OR14K1: variants seen among roughly 807,000 people sequenced by gnomAD.
OR14K1 encodes the protein olfactory receptor family 14 subfamily K member 1, also known as olfactory receptor 14K1.
For synonymous variants in OR14K1, 104 were observed against 70.0 expected (o/e 1.49, Z -2.42); for missense variants, 253 against 174.4 (o/e 1.45, Z -2.54).
In OR14K1 at chr1:247,739,448, C is replaced by G; in HGVS notation, c.834C>G (p.Val278=). ...TGCTGGTGTCTGTGTTCTATTCTGTCGCACCTCCAACCTTGAACCCTGTTA... is the reference window on the plus strand; with the variant it reads ...TGCTGGTGTCTGTGTTCTATTCTGTGGCACCTCCAACCTTGAACCCTGTTA... ...LDLLVSVFYS[V]APPTLNPVIY... Residue 278 remains valine, a synonymous_variant, in exon 1 of 1, where the codon GTC becomes GTG. Transcript: ENST00000283225. 2.6e-6 allele frequency: 2 copies of G among 780,760 alleles called. 1 individual carries two copies. The highest frequency in any genetic ancestry group is 2.7e-5 in the South Asian group (2 of 74,614). The allele number at this position is 780,760 out of a possible 1,614,324, so 48.4% of individuals were successfully genotyped here.
chr1:247,738,854 C>T lies in OR14K1; in HGVS notation c.240C>T (p.Ile80=), dbSNP rs766296236. 1 of 780,770 alleles carries T rather than the reference C, an allele frequency of 1.3e-6. No individual in the cohort carries two copies. Among genetic ancestry groups the T allele is most frequent in the South Asian group, 1.3e-5 (1 of 74,594 alleles). The allele number at this position is 780,770 out of a possible 1,614,324, so 48.4% of individuals were successfully genotyped here. The change falls in exon 1 of 1, where the codon ATC becomes ATT. Residue 80 remains isoleucine (I), a synonymous_variant. Coordinates refer to ENST00000283225, the MANE Select transcript of OR14K1 (RefSeq NM_001004732.2). ...TTTCTGCCACAGTCCCCAAATCCAT[C>T]CTCAACTCTGTCGCCTCCACTGACT... The part of the protein sequence containing the change: ...CLISATVPKS[I]LNSVASTDSI...
Position 247,738,698 on chromosome 1 carries a change from C to T in OR14K1, c.84C>T (p.Leu28=). 1.3e-6 allele frequency: 1 copy of T among 780,814 alleles called. No homozygotes were observed. The allele number at this position is 780,814 out of a possible 1,614,324, so 48.4% of individuals were successfully genotyped here. Residue 28 remains leucine (L), a synonymous_variant, in exon 1 of 1, where the codon CTC becomes CTT. Coordinates refer to ENST00000283225, the MANE Select transcript of OR14K1 (RefSeq NM_001004732.2). Reference sequence around the variant, plus strand: ...TGCTCCTGAGGCTGCATGCTTTGCTCTTCTCACTGATCTACCTCACGGCTG... The same window carrying T: ...TGCTCCTGAGGCTGCATGCTTTGCTTTTCTCACTGATCTACCTCACGGCTG... The part of the protein sequence containing the change: ...NWVLLRLHAL[L]FSLIYLTAVL...
the OR14K1 span, chr1:247,738,670 G>A: frequency 1.3e-6 from 1 of 780,634 alleles, no homozygotes; most frequent in African/African-American, 1.7e-5. Context: ...ACTGAGAATT[G>A]GGTGCTCCTG....
chr1:247,739,005 G>T, the OR14K1 span: 58 of 780,550 alleles, frequency 7.4e-5, no homozygotes, highest in Non-Finnish European at 1.2e-4. Context: ...CCTACACTGT[G>T]AGGCTGTCAT....
rs1660750065 is a variant in OR14K1, at chr1:247,739,186, A to G, written c.572A>G (p.His191Arg). The G allele has an allele frequency of 2.6e-6, 2 of 780,806 alleles. No individual in the cohort carries two copies. The highest frequency in any genetic ancestry group is 3.4e-5 in the African/African-American group (2 of 59,148). The allele number at this position is 780,806 out of a possible 1,614,324, so 48.4% of individuals were successfully genotyped here. Residue 191 changes from histidine to arginine, a missense_variant, in exon 1 of 1, where the codon CAT becomes CGT. Physicochemically the swap from His to Arg is conservative, Grantham distance 29 (BLOSUM62 0). Transcript: ENST00000283225. ...CTAAAGCTCACTTGTTCTAAAGAAC[A>G]TGCCATCATTAGTGTCAGTGTGGCC... ...ALLKLTCSKE[H>R]AIISVSVAIG...
rs561245284 is a variant in OR14K1, at chr1:247,739,408, C to T, written c.794C>T (p.Pro265Leu). ...TATTTAAAGCCAGGGTCTGATGCACCTTCTATTCTAGACTTGCTGGTGTCT... is the reference window on the plus strand; with the variant it reads ...TATTTAAAGCCAGGGTCTGATGCACTTTCTATTCTAGACTTGCTGGTGTCT... ...VAYLKPGSDA[P>L]SILDLLVSVF... Residue 265 changes from proline (P) to leucine (L), a missense_variant, in exon 1 of 1, where the codon CCT becomes CTT. Pro to Leu is a moderately conservative substitution (Grantham distance 98). Coordinates refer to ENST00000283225, the MANE Select transcript of OR14K1 (RefSeq NM_001004732.2). 6.4e-6 allele frequency: 5 copies of T among 780,756 alleles called. No homozygotes were observed. Among genetic ancestry groups the T allele is most frequent in the South Asian group, 4.0e-5 (3 of 74,608 alleles). 48.4% of individuals were successfully genotyped at this position (780,756 alleles called of 1,614,324 possible).
Position 247,739,130 on chromosome 1 carries a change from A to T in OR14K1, c.516A>T (p.Leu172=). ...TGAATTTTTATGGCTCTGATGAGCT[A>T]CATCAGTTCTTCTGCGATGTCCCTG... The part of the protein sequence containing the change: ...FSLNFYGSDE[L]HQFFCDVPAL... The change falls in exon 1 of 1, where the codon CTA becomes CTT. Residue 172 remains leucine (L), a synonymous_variant. Coordinates refer to ENST00000283225, the MANE Select transcript of OR14K1 (RefSeq NM_001004732.2). 1 of 780,810 alleles carries T rather than the reference A, an allele frequency of 1.3e-6. No individual in the cohort carries two copies. Among genetic ancestry groups the T allele is most frequent in the Non-Finnish European group, 2.4e-6 (1 of 417,956 alleles). 48.4% of individuals were successfully genotyped at this position (780,810 alleles called of 1,614,324 possible).
chr1:247,739,514 TA>T, the OR14K1 span: 9 of 780,664 alleles, frequency 1.2e-5, no homozygotes, highest in African/African-American at 1.5e-4. Flanking sequence ...CCGCTCTGAG[TA>T]AAGTCCTGTG....
chr1:247,739,097 A>T lies in OR14K1; in HGVS notation c.483A>T (p.Thr161=). The T allele has an allele frequency of 1.3e-6, 1 of 780,768 alleles. No individual in the cohort carries two copies. The highest frequency in any genetic ancestry group is 1.3e-5 in the South Asian group (1 of 74,600). The allele number at this position is 780,768 out of a possible 1,614,324, so 48.4% of individuals were successfully genotyped here. The change falls in exon 1 of 1, where the codon ACA becomes ACT. Residue 161 remains threonine (T), a synonymous_variant. Coordinates refer to ENST00000283225, the MANE Select transcript of OR14K1 (RefSeq NM_001004732.2). ...GALGLLYTAG[T]FSLNFYGSDE... ...TGGGACTCTTGTACACAGCTGGAACATTCTCTCTGAATTTTTATGGCTCTG... is the reference window on the plus strand; with the variant it reads ...TGGGACTCTTGTACACAGCTGGAACTTTCTCTCTGAATTTTTATGGCTCTG...
At position 247,739,119 on chromosome 1, in the gene OR14K1, T is replaced by G; in HGVS notation, c.505T>G (p.Ser169Ala). 1.3e-6 allele frequency: 1 copy of G among 780,896 alleles called. No homozygotes were observed. The allele number at this position is 780,896 out of a possible 1,614,324, so 48.4% of individuals were successfully genotyped here. ...AGTFSLNFYG[S>A]DELHQFFCDV... ...AACATTCTCTCTGAATTTTTATGGC[T>G]CTGATGAGCTACATCAGTTCTTCTG... Residue 169 changes from serine to alanine, a missense_variant, in exon 1 of 1, where the codon TCT becomes GCT. Transcript: ENST00000283225.
In OR14K1 at chr1:247,738,984, A is replaced by G. The variant is rs760445560; in HGVS notation, c.370A>G (p.Ile124Val). 1.3e-6 allele frequency: 1 copy of G among 780,636 alleles called. No homozygotes were observed. The highest frequency in any genetic ancestry group is 2.4e-5 in the East Asian group (1 of 41,242). 48.4% of individuals were successfully genotyped at this position (780,636 alleles called of 1,614,324 possible). Residue 124 changes from isoleucine to valine, a missense_variant, in exon 1 of 1, where the codon ATC becomes GTC. Coordinates refer to ENST00000283225, the MANE Select transcript of OR14K1 (RefSeq NM_001004732.2). ...TAMSYDRYAA[I>V]CCPLHCEAVM... Reference sequence around the variant, plus strand: ...CATGTCCTATGACCGCTATGCTGCCATCTGCTGCCCCCTACACTGTGAGGC... The same window carrying G: ...CATGTCCTATGACCGCTATGCTGCCGTCTGCTGCCCCCTACACTGTGAGGC...
At position 247,739,185 on chromosome 1, in the gene OR14K1, C is replaced by A. The variant is rs1470494287; in HGVS notation, c.571C>A (p.His191Asn). The change falls in exon 1 of 1, where the codon CAT (histidine) becomes AAT (asparagine). Residue 191 changes from histidine to asparagine, a missense_variant. By Grantham distance (68) the His-to-Asn change is moderately conservative. Transcript: ENST00000283225. ...ACTAAAGCTCACTTGTTCTAAAGAACATGCCATCATTAGTGTCAGTGTGGC... is the reference window on the plus strand; with the variant it reads ...ACTAAAGCTCACTTGTTCTAAAGAAAATGCCATCATTAGTGTCAGTGTGGC... ...ALLKLTCSKEHAIISVSVAIG... is the reference protein window; with the variant it reads ...ALLKLTCSKENAIISVSVAIG... The A allele has an allele frequency of 1.3e-6, 1 of 780,882 alleles. No homozygotes were observed. The highest frequency in any genetic ancestry group is 1.3e-5 in the South Asian group (1 of 74,624). 48.4% of individuals were successfully genotyped at this position (780,882 alleles called of 1,614,324 possible).
In OR14K1 at chr1:247,739,274, C is replaced by T; in HGVS notation, c.660C>T (p.Phe220=). ...VCIVVSYVYI[F]SAVLRISQRQ... ...TTGTAGTTTCCTATGTGTACATTTTCTCTGCTGTGTTAAGGATATCACAGA... is the reference window on the plus strand; with the variant it reads ...TTGTAGTTTCCTATGTGTACATTTTTTCTGCTGTGTTAAGGATATCACAGA... Residue 220 remains phenylalanine (F), a synonymous_variant, in exon 1 of 1, where the codon TTC becomes TTT. Transcript: ENST00000283225. The T allele has an allele frequency of 1.3e-6, 1 of 780,856 alleles. No homozygotes were observed. Among genetic ancestry groups the T allele is most frequent in the South Asian group, 1.3e-5 (1 of 74,616 alleles). The allele number at this position is 780,856 out of a possible 1,614,324, so 48.4% of individuals were successfully genotyped here.
chr1:247,739,512 A>C lies in OR14K1; in HGVS notation c.898A>C (p.Ser300Arg). 1.3e-6 allele frequency: 1 copy of C among 780,816 alleles called. No individual in the cohort carries two copies. Among genetic ancestry groups the C allele is most frequent in the Non-Finnish European group, 2.4e-6 (1 of 417,962 alleles). 48.4% of individuals were successfully genotyped at this position (780,816 alleles called of 1,614,324 possible). ...GAACAAGGACATTAAATCCGCTCTG[A>C]GTAAAGTCCTGTGGAATGTTAGAAG... ...LKNKDIKSAL[S>R]KVLWNVRSSG... Residue 300 changes from serine (S) to arginine (R), a missense_variant, in exon 1 of 1, where the codon AGT (serine) becomes CGT (arginine). Coordinates refer to ENST00000283225, the MANE Select transcript of OR14K1 (RefSeq NM_001004732.2).
chr1:247,738,644 C>A lies in OR14K1; in HGVS notation c.30C>A (p.Phe10Leu), dbSNP rs1390594584. MTNQTQMME[F>L]LLVRFTENWV... The stretch of plus-strand genomic sequence containing the variant: ...CCAATCAGACACAGATGATGGAATT[C>A]TTGCTTGTGAGATTTACTGAGAATT... Residue 10 changes from phenylalanine to leucine, a missense_variant, in exon 1 of 1, where the codon TTC becomes TTA. Physicochemically the swap from Phe to Leu is conservative, Grantham distance 22 (BLOSUM62 0). Transcript: ENST00000283225. 3.8e-6 allele frequency: 3 copies of A among 780,246 alleles called. No homozygotes were observed. The allele number at this position is 780,246 out of a possible 1,614,324, so 48.3% of individuals were successfully genotyped here.
Position 247,739,488 on chromosome 1 carries a change from A to G in OR14K1, c.874A>G (p.Asn292Asp), listed in dbSNP as rs1277069485. 1.3e-6 allele frequency: 1 copy of G among 780,720 alleles called. No individual in the cohort carries two copies. The highest frequency in any genetic ancestry group is 1.7e-5 in the African/African-American group (1 of 59,132). 48.4% of individuals were successfully genotyped at this position (780,720 alleles called of 1,614,324 possible). A position where few individuals can be genotyped will look rare whatever the true frequency, so the allele number is the denominator to read the frequency against. The change falls in exon 1 of 1, where the codon AAC becomes GAC. Residue 292 changes from asparagine to aspartate, a missense_variant. Asn to Asp is a conservative substitution (Grantham distance 23, BLOSUM62 1). Coordinates refer to ENST00000283225, the MANE Select transcript of OR14K1 (RefSeq NM_001004732.2). ...TLNPVIYCLK[N>D]KDIKSALSKV... ...GAACCCTGTTATCTACTGTCTGAAGAACAAGGACATTAAATCCGCTCTGAG... is the reference window on the plus strand; with the variant it reads ...GAACCCTGTTATCTACTGTCTGAAGGACAAGGACATTAAATCCGCTCTGAG...
In OR14K1 at chr1:247,739,492, A is replaced by G; in HGVS notation, c.878A>G (p.Lys293Arg). 1 of 780,848 alleles carries G rather than the reference A, an allele frequency of 1.3e-6. No individual in the cohort carries two copies. Among genetic ancestry groups the G allele is most frequent in the African/African-American group, 1.7e-5 (1 of 59,246 alleles). 48.4% of individuals were successfully genotyped at this position (780,848 alleles called of 1,614,324 possible). A position where few individuals can be genotyped will look rare whatever the true frequency, so the allele number is the denominator to read the frequency against. The change falls in exon 1 of 1, where the codon AAG becomes AGG. Residue 293 changes from lysine (K) to arginine (R), a missense_variant. Coordinates refer to ENST00000283225, the MANE Select transcript of OR14K1 (RefSeq NM_001004732.2). The stretch of plus-strand genomic sequence containing the variant: ...CCTGTTATCTACTGTCTGAAGAACA[A>G]GGACATTAAATCCGCTCTGAGTAAA... ...LNPVIYCLKN[K>R]DIKSALSKVL...
rs1660758635 is a variant in OR14K1, at chr1:247,739,369, C to A, written c.755C>A (p.Thr252Lys). 1.3e-6 allele frequency: 1 copy of A among 780,710 alleles called. No individual in the cohort carries two copies. The highest frequency in any genetic ancestry group is 1.7e-5 in the African/African-American group (1 of 59,142). The allele number at this position is 780,710 out of a possible 1,614,324, so 48.4% of individuals were successfully genotyped here. A position where few individuals can be genotyped will look rare whatever the true frequency, so the allele number is the denominator to read the frequency against. Residue 252 changes from threonine to lysine, a missense_variant, in exon 1 of 1, where the codon ACA (threonine) becomes AAA (lysine). Physicochemically the swap from Thr to Lys is moderately conservative, Grantham distance 78. Coordinates refer to ENST00000283225, the MANE Select transcript of OR14K1 (RefSeq NM_001004732.2). Reference protein sequence around the residue: ...HLIVVTVFLVTGAVAYLKPGS... With the variant: ...HLIVVTVFLVKGAVAYLKPGS... Reference sequence around the variant, plus strand: ...ATTGTTGTCACTGTGTTTCTTGTAACAGGTGCTGTTGCTTATTTAAAGCCA... The same window carrying A: ...ATTGTTGTCACTGTGTTTCTTGTAAAAGGTGCTGTTGCTTATTTAAAGCCA...
Position 247,739,397 on chromosome 1 carries a change from G to A in OR14K1, c.783G>A (p.Gly261=). The A allele has an allele frequency of 2.6e-6, 2 of 780,758 alleles. No individual in the cohort carries two copies. The highest frequency in any genetic ancestry group is 2.4e-5 in the East Asian group (1 of 41,228). 48.4% of individuals were successfully genotyped at this position (780,758 alleles called of 1,614,324 possible). ...GTGCTGTTGCTTATTTAAAGCCAGG[G>A]TCTGATGCACCTTCTATTCTAGACT... The part of the protein sequence containing the change: ...VTGAVAYLKP[G]SDAPSILDLL... The change falls in exon 1 of 1, where the codon GGG becomes GGA. Residue 261 remains glycine, a synonymous_variant. Coordinates refer to ENST00000283225, the MANE Select transcript of OR14K1 (RefSeq NM_001004732.2).
Sources: gnomAD v4.1 joint callset for allele counts on GRCh38, gnomAD v4.1.1 for gene constraint, MANE v1.5 for transcripts, NCBI Gene and HGNC (gene_info 2026-07-23, HGNC 2026-07-21) for gene names.